CLDN14: variants seen among roughly 807,000 people sequenced by gnomAD.
CLDN14 encodes the protein claudin-14.
In CLDN14, 2 loss-of-function variants were observed where a neutral mutation model predicts 2.1. The observed-to-expected ratio is 0.96, with a 90% CI of 0.39 to 3.01. The LOEUF (loss-of-function observed/expected upper bound fraction) is 3.01. Ranked by LOEUF, CLDN14 falls within the 30% of genes most tolerant of loss-of-function variation. The pLI, the probability that CLDN14 is intolerant of heterozygous loss-of-function variation, is 0.09. For synonymous variants in CLDN14, 136 were observed against 154.4 expected (o/e 0.88, Z 0.88); for missense variants, 298 against 328.0 (o/e 0.91, Z 0.71).
chr21:36,485,130 G>A (rs564447761), intron 2 of CLDN14, among the ~76,000 whole-genome samples: 37 of 151,710 alleles, frequency 2.4e-4, no homozygotes, highest in African/African-American at 8.7e-4. Context: ...CATTTTGGGG[G>A]ACAGACTTCA....
Sources: gnomAD v4.1 joint callset for allele counts (sites outside exome capture counted in the v4.1 genomes callset) on GRCh38, gnomAD v4.1.1 for gene constraint, MANE v1.5 for transcripts, NCBI Gene and HGNC (gene_info 2026-07-23, HGNC 2026-07-21) for gene names.